Variants in HHIP observed in about 807,000 individuals in gnomAD.
HHIP encodes the protein hedgehog interacting protein.
A neutral mutation model predicts 74.0 loss-of-function variants in HHIP; 12 were observed. The observed-to-expected ratio is 0.16, with a 90% CI of 0.10 to 0.26. HHIP has a LOEUF of 0.26. Ranked by LOEUF, HHIP falls within the 10% of genes least tolerant of loss-of-function variation. The pLI, the probability that HHIP is intolerant of heterozygous loss-of-function variation, is 1.00. For missense variants in HHIP, 788 were observed against 845.0 expected, an observed-to-expected ratio of 0.93 and a Z score of 0.84; for synonymous variants, 309 against 311.6, an observed-to-expected ratio of 0.99 and a Z score of 0.09.
intron 11 of HHIP, among the ~76,000 whole-genome samples, chr4:144,724,558 G>A (rs982480341): frequency 5.3e-5 from 8 of 150,826 alleles, no homozygotes; most frequent in Non-Finnish European, 1.0e-4. Flanking sequence ...TTTGATAAAT[G>A]TTGTGAAATG....
chr4:144,707,149 A>T lies in HHIP; in HGVS notation c.1046A>T (p.His349Leu), dbSNP rs1158906329. Residue 349 changes from histidine (H) to leucine (L), a missense_variant, in exon 6 of 13, where the codon CAC becomes CTC. Physicochemically the swap from His to Leu is moderately conservative, Grantham distance 99. This residue lies in a region of HHIP where 72 missense variants were observed against 130.6 expected (regional missense o/e 0.55). Transcript: ENST00000296575. Reference sequence around the variant, plus strand: ...GTCTTTCTTGAAGTTGCAGAACTCCACAGAAAGCATCTGGGAGGACAACTG... The same window carrying T: ...GTCTTTCTTGAAGTTGCAGAACTCCTCAGAAAGCATCTGGGAGGACAACTG... ...ARVFLEVAEL[H>L]RKHLGGQLLF... 1 of 1,614,040 alleles carries T rather than the reference A, an allele frequency of 6.2e-7. No homozygotes were observed. The highest frequency in any genetic ancestry group is 1.7e-5 in the Admixed American group (1 of 60,014).
chr4:144,653,111 T>C (rs1303217310), intron 2 of HHIP, among the ~76,000 whole-genome samples: 1 of 152,168 alleles, frequency 6.6e-6, no homozygotes, highest in East Asian at 1.9e-4. Context: ...AACTCCTCGT[T>C]GGTGCCTTCT....
intron 1 of HHIP, 52 bp from the exon 2 acceptor site, chr4:144,652,552 TA>T: frequency 9.0e-7 from 1 of 1,114,454 alleles, no homozygotes; most frequent in Non-Finnish European, 1.3e-6. Context: ...TAATAATAGC[TA>T]AACCTAAATT....
In HHIP at chr4:144,738,098, G is replaced by T. The variant is rs201971573; in HGVS notation, c.*141G>T. The T allele has an allele frequency of 1.0e-5, 14 of 1,347,910 alleles. No homozygotes were observed. Among genetic ancestry groups the T allele is most frequent in the Non-Finnish European group, 1.9e-6 (2 of 1,051,520 alleles). The allele number at this position is 1,347,910 out of a possible 1,614,324, so 83.5% of individuals were successfully genotyped here. On this transcript the variant is annotated 3_prime_UTR_variant, in exon 13 of 13. Transcript: ENST00000296575. ...ATTTAAAAATAATTTCCAGAAATGT[G>T]CAGATCCTCTGTGTGTATGTCAGCA... is the stretch of plus-strand genomic sequence containing the variant.
intron 2 of HHIP, among the ~76,000 whole-genome samples, chr4:144,655,735 C>G (rs1728542467): frequency 7.3e-6 from 1 of 136,586 alleles, no homozygotes; most frequent in African/African-American, 2.8e-5. Context: ...GTAAGTCTTA[C>G]TCATGAAGAG....
At chr4:144,726,316 A>G (rs1222470895) in intron 11 of HHIP, among the ~76,000 whole-genome samples, 1 of 152,154 alleles carries the variant, frequency 6.6e-6, no homozygotes, top group Non-Finnish European at 1.5e-5. Flanking sequence ...ATTTCATTAG[A>G]AGCATTTTTT....
intron 4 of HHIP, among the ~76,000 whole-genome samples, chr4:144,690,246 T>G (rs1302318596): frequency 6.6e-6 from 1 of 152,220 alleles, no homozygotes; most frequent in Non-Finnish European, 1.5e-5. Context: ...TATCAGTCAT[T>G]GAGCTAAGTG....
intron 4 of HHIP, among the ~76,000 whole-genome samples, chr4:144,680,860 T>A (rs1729315603): frequency 6.6e-6 from 1 of 152,278 alleles, no homozygotes; most frequent in South Asian, 2.1e-4. Context: ...TGTTTTCCTA[T>A]TTACTTGTTT....
At chr4:144,697,452 G>A (rs900373578) in intron 4 of HHIP, among the ~76,000 whole-genome samples, 3 of 152,032 alleles carry the variant, frequency 2.0e-5, no homozygotes, top group Non-Finnish European at 4.4e-5. Flanking sequence ...TATAGCATCT[G>A]ATGCGTATTG....
intron 4 of HHIP, among the ~76,000 whole-genome samples, chr4:144,690,715 T>G (rs1729632235): frequency 6.6e-6 from 1 of 152,098 alleles, no homozygotes; most frequent in African/African-American, 2.4e-5. Flanking sequence ...GTGATAAGAG[T>G]AAAAAAGTTT....
chr4:144,687,039 G>A (rs1271750781), intron 4 of HHIP, among the ~76,000 whole-genome samples: 1 of 152,128 alleles, frequency 6.6e-6, no homozygotes, highest in Admixed American at 6.5e-5. Flanking sequence ...CAGGGCAAGT[G>A]TGATTTATTT....
At position 144,692,237 on chromosome 4, in the gene HHIP, A is replaced by G. The variant is rs377712915; in HGVS notation, c.832-14294A>G. Among the ~76,000 whole-genome samples the G allele has an allele frequency of 3.3e-5, 5 of 152,174 alleles. No homozygotes were observed. In the South Asian group the frequency reaches 6.2e-4, roughly 19 times the overall value. On this transcript the variant is annotated intron_variant, in intron 4 of 12. Coordinates refer to ENST00000296575, the MANE Select transcript of HHIP (RefSeq NM_022475.3). ...CAGGGGTGTTAAATTATTTCCCCCA[A>G]GTCAAACAGCCTGGAAGTCACATAA...
chr4:144,731,443 G>A (rs191251188), intron 11 of HHIP, among the ~76,000 whole-genome samples: 1 of 152,046 alleles, frequency 6.6e-6, no homozygotes, highest in East Asian at 1.9e-4. Flanking sequence ...TTTTGAGATG[G>A]GGTTTCACTC....
At chr4:144,691,275 T>C (rs912699064) in intron 4 of HHIP, among the ~76,000 whole-genome samples, 2 of 152,234 alleles carry the variant, frequency 1.3e-5, no homozygotes, top group African/African-American at 2.4e-5. Context: ...ATTTTGCTTA[T>C]AAGTATAAAC....
chr4:144,683,891 A>G (rs1729411001), intron 4 of HHIP, among the ~76,000 whole-genome samples: 2 of 151,616 alleles, frequency 1.3e-5, no homozygotes, highest in South Asian at 4.2e-4. Context: ...TTCTGAGCAC[A>G]CTCCTCCCTG....
intron 7 of HHIP, among the ~76,000 whole-genome samples, chr4:144,709,132 T>C (rs1224675480): frequency 6.6e-6 from 1 of 152,258 alleles, no homozygotes; most frequent in East Asian, 1.9e-4. Context: ...TACCATTTAA[T>C]GTTTATTGAG....
At chr4:144,668,944 G>A (rs1487463430) in intron 4 of HHIP, among the ~76,000 whole-genome samples, 3 of 151,892 alleles carry the variant, frequency 2.0e-5, no homozygotes, top group Non-Finnish European at 4.4e-5. Flanking sequence ...GTTTGTCTAT[G>A]TAGTGTAAGG....
chr4:144,738,159 C>A lies in HHIP; in HGVS notation c.*202C>A. 7.5e-6 allele frequency: 9 copies of A among 1,196,128 alleles called. No individual in the cohort carries two copies. The highest frequency in any genetic ancestry group is 9.3e-6 in the Non-Finnish European group (9 of 964,334). 74.1% of individuals were successfully genotyped at this position (1,196,128 alleles called of 1,614,324 possible). A position where few individuals can be genotyped will look rare whatever the true frequency, so the allele number is the denominator to read the frequency against. ...CATATGCACATACACATACTCATAA[C>A]CCCTATATGCGTTGTTGCATAACAG... On this transcript the variant is annotated 3_prime_UTR_variant, in exon 13 of 13. Coordinates refer to ENST00000296575, the MANE Select transcript of HHIP (RefSeq NM_022475.3).
At chr4:144,650,056 T>C (rs538675784) in intron 1 of HHIP, among the ~76,000 whole-genome samples, 2 of 152,288 alleles carry the variant, frequency 1.3e-5, no homozygotes, top group African/African-American at 2.4e-5. Flanking sequence ...TATACTGTCA[T>C]GTATTTTCTC....
Sources: gnomAD v4.1 joint callset for allele counts (sites outside exome capture counted in the v4.1 genomes callset) on GRCh38, gnomAD v4.1.1 for gene constraint, gnomAD v4.1.1 regional missense constraint, MANE v1.5 for transcripts, NCBI Gene and HGNC (gene_info 2026-07-23, HGNC 2026-07-21) for gene names.